Variants in RTN1 observed in about 807,000 individuals in gnomAD.
RTN1 encodes reticulon-1.
In RTN1, 25 loss-of-function variants were observed where a neutral mutation model predicts 65.5. The ratio of observed to expected loss-of-function variants is 0.38; its 90% CI spans 0.28 to 0.53. The LOEUF (loss-of-function observed/expected upper bound fraction) is 0.53. Among genes scored for constraint, RTN1 ranks in the 20% least tolerant of loss-of-function variants. The pLI is 0.79. For missense variants in RTN1, 983 were observed against 1,025.4 expected (o/e 0.96, Z 0.57); for synonymous variants, 471 against 447.6 (o/e 1.05, Z -0.66).
At chr14:59,601,847 C>T (rs548323117) in intron 8 of RTN1, among the ~76,000 whole-genome samples, 48 of 152,226 alleles carry the variant, frequency 3.2e-4, no homozygotes, top group African/African-American at 9.6e-4. Context: ...TCCTCAGGTT[C>T]GGGTACCACC....
At chr14:59,798,781 G>A (rs1886486035) in intron 1 of RTN1, among the ~76,000 whole-genome samples, 1 of 131,742 alleles carries the variant, frequency 7.6e-6, no homozygotes, top group Non-Finnish European at 1.5e-5. Context: ...CAGGGATTAG[G>A]ACATGGATAT....
At chr14:59,815,881 C>T (rs1886812423) in intron 1 of RTN1, among the ~76,000 whole-genome samples, 1 of 152,168 alleles carries the variant, frequency 6.6e-6, no homozygotes, top group African/African-American at 2.4e-5. Flanking sequence ...CAACTGTCCC[C>T]AGTTGCCCAG....
intron 3 of RTN1, among the ~76,000 whole-genome samples, chr14:59,711,221 G>A (rs902655807): frequency 5.9e-5 from 9 of 152,184 alleles, no homozygotes; most frequent in Admixed American, 1.3e-4. Flanking sequence ...GTGCAAATTC[G>A]ATAGGCTCAG....
chr14:59,783,703 G>A (rs1886197909), intron 1 of RTN1, among the ~76,000 whole-genome samples: 1 of 152,182 alleles, frequency 6.6e-6, no homozygotes, highest in Non-Finnish European at 1.5e-5. Context: ...AGAAGGGAGT[G>A]GGGCCAGTGT....
At chr14:59,690,369 T>C (rs1594680338) in intron 3 of RTN1, among the ~76,000 whole-genome samples, 3 of 152,084 alleles carry the variant, frequency 2.0e-5, no homozygotes, top group African/African-American at 4.8e-5. Flanking sequence ...ATCACATAAT[T>C]ATAAAGCATT....
At position 59,849,258 on chromosome 14, in the gene RTN1, G is replaced by C. The variant is rs1347743978; in HGVS notation, c.241+21132C>G. Among the ~76,000 whole-genome samples the C allele has an allele frequency of 6.6e-6, 1 of 152,164 alleles. No individual in the cohort carries two copies. Among genetic ancestry groups the C allele is most frequent in the African/African-American group, 2.4e-5 (1 of 41,432 alleles). ...ACAGTACCTGCCTGCCTAGCACTAG[G>C]TGCTAAATACATGTCAACTTCTTTC... On this transcript the variant is annotated intron_variant, in intron 1 of 8. Transcript: ENST00000267484. This position sits in a 1 kb window ranked among gnomAD's most constrained non-coding sequence, Gnocchi z 4.5.
At chr14:59,598,338 AT>A (rs1300058205) in intron 8 of RTN1, among the ~76,000 whole-genome samples, 1 of 152,232 alleles carries the variant, frequency 6.6e-6, no homozygotes, top group Non-Finnish European at 1.5e-5. Context: ...TGAAAATGCC[AT>A]TTACCAAGAT....
chr14:59,764,510 C>T (rs927562880), intron 1 of RTN1, among the ~76,000 whole-genome samples: 5 of 151,990 alleles, frequency 3.3e-5, no homozygotes, highest in East Asian at 3.9e-4. Flanking sequence ...TTAGTAGAGA[C>T]GGGGTTTCAC....
intron 3 of RTN1, among the ~76,000 whole-genome samples, chr14:59,678,095 A>G (rs1197750524): frequency 2.0e-5 from 3 of 152,204 alleles, no homozygotes; most frequent in East Asian, 3.9e-4. Flanking sequence ...TTTCACTTGA[A>G]TTGCCAAGAA....
chr14:59,800,591 A>G (rs192580926), intron 1 of RTN1, among the ~76,000 whole-genome samples: 13 of 152,188 alleles, frequency 8.5e-5, no homozygotes, highest in South Asian at 2.1e-4. Context: ...TAGTAGAGAC[A>G]GGGTTTCACC....
At position 59,702,990 on chromosome 14, in the gene RTN1, C is replaced by T. The variant is rs371390463; in HGVS notation, c.1765+23929G>A. On this transcript the variant is annotated intron_variant, in intron 3 of 8. Transcript: ENST00000267484. The stretch of plus-strand genomic sequence containing the variant: ...GCAGTTGTTTCTTCCTCCTAGGCTG[C>T]TCTTCCACCCCATAGCTGCTTACCT... 4.6e-5 allele frequency among the ~76,000 whole-genome samples: 7 copies of T among 152,220 alleles called. No individual in the cohort carries two copies. The East Asian group carries it at 9.7e-4, about 21-fold the overall frequency.
chr14:59,847,094 C>T (rs1887424112), intron 1 of RTN1, among the ~76,000 whole-genome samples: 1 of 152,214 alleles, frequency 6.6e-6, no homozygotes, highest in African/African-American at 2.4e-5. Flanking sequence ...AACTCACTTC[C>T]AGAACCTTTT....
At chr14:59,687,803 C>G (rs1566685534) in intron 3 of RTN1, among the ~76,000 whole-genome samples, 1 of 152,048 alleles carries the variant, frequency 6.6e-6, no homozygotes, top group Non-Finnish European at 1.5e-5. Context: ...AGGCAAATCT[C>G]CAAGCATTTG....
intron 1 of RTN1, among the ~76,000 whole-genome samples, chr14:59,781,410 ATG>A (rs1311756302): frequency 6.6e-6 from 1 of 152,042 alleles, no homozygotes. Context: ...GCATATATGA[ATG>A]TGAATCTGTT....
At chr14:59,856,993 A>G (rs2139670659) in intron 1 of RTN1, among the ~76,000 whole-genome samples, 1 of 152,328 alleles carries the variant, frequency 6.6e-6, no homozygotes, top group Middle Eastern at 3.4e-3. Context: ...CCACATTGAC[A>G]TGATATTAGG....
At chr14:59,817,481 G>C (rs938855331) in intron 1 of RTN1, among the ~76,000 whole-genome samples, 1 of 152,166 alleles carries the variant, frequency 6.6e-6, no homozygotes, top group African/African-American at 2.4e-5. Flanking sequence ...GGGGTGTCCT[G>C]AAGAAGACAC....
At chr14:59,694,782 T>C (rs1476547837) in intron 3 of RTN1, among the ~76,000 whole-genome samples, 1 of 152,156 alleles carries the variant, frequency 6.6e-6, no homozygotes, top group Non-Finnish European at 1.5e-5. Context: ...ACAAAGTAGT[T>C]TGACAAGGAG....
At chr14:59,737,787 C>G (rs962405437) in intron 2 of RTN1, among the ~76,000 whole-genome samples, 1 of 152,178 alleles carries the variant, frequency 6.6e-6, no homozygotes, top group Non-Finnish European at 1.5e-5. Context: ...GTAACCAGAA[C>G]AGTATGGTAC....
At chr14:59,597,939 T>C (rs1056043617) in intron 8 of RTN1, among the ~76,000 whole-genome samples, 2 of 152,056 alleles carry the variant, frequency 1.3e-5, no homozygotes, top group Non-Finnish European at 2.9e-5. Flanking sequence ...AGGGACCAGA[T>C]GGTGGGTGTT....
Sources: allele counts gnomAD v4.1 joint callset (sites outside exome capture counted in the v4.1 genomes callset), GRCh38; gene constraint gnomAD v4.1.1; non-coding constraint Gnocchi (gnomAD v3.1); transcripts MANE v1.5; gene names NCBI Gene and HGNC (gene_info 2026-07-23, HGNC 2026-07-21).